KIAA1958: variants seen among roughly 807,000 people sequenced by gnomAD.
KIAA1958 encodes uncharacterized protein KIAA1958.
KIAA1958 carries 14 observed loss-of-function variants against 47.2 expected under a neutral mutation model. The ratio of observed to expected loss-of-function variants is 0.30; its 90% CI spans 0.20 to 0.46. The LOEUF (loss-of-function observed/expected upper bound fraction) is 0.46. Ranked by LOEUF, KIAA1958 falls within the 20% of genes least tolerant of loss-of-function variation. The pLI is 1.00. For synonymous variants in KIAA1958, 354 were observed against 353.3 expected, an observed-to-expected ratio of 1.00 and a Z score of -0.02; for missense variants, 803 against 909.2, an observed-to-expected ratio of 0.88 and a Z score of 1.50.
intron 1 of KIAA1958, among the ~76,000 whole-genome samples, chr9:112,545,147 A>T (rs567738442): frequency 6.6e-5 from 10 of 152,288 alleles, no homozygotes; most frequent in African/African-American, 2.4e-4. Context: ...TTTCATCCTT[A>T]GTTTTTCTGG....
At chr9:112,656,396 A>G (rs940920493) in intron 3 of KIAA1958, among the ~76,000 whole-genome samples, 19 of 123,946 alleles carry the variant, frequency 1.5e-4, no homozygotes, top group South Asian at 5.3e-4. Context: ...AAAAAAAAAA[A>G]GCATTTCGAG....
At chr9:112,497,078 T>A (rs527667755) in intron 1 of KIAA1958, among the ~76,000 whole-genome samples, 1 of 152,324 alleles carries the variant, frequency 6.6e-6, no homozygotes, top group South Asian at 2.1e-4. Context: ...TCACTTACAG[T>A]TGTAAGATAT....
chr9:112,526,569 CAG>C (rs1360006741), intron 1 of KIAA1958, among the ~76,000 whole-genome samples: 3 of 152,184 alleles, frequency 2.0e-5, no homozygotes, highest in African/African-American at 7.2e-5. Context: ...TTATAATTAA[CAG>C]AAGTTTATTT....
chr9:112,618,196 G>A lies in KIAA1958; in HGVS notation c.1172-27454G>A. 6.4e-7 allele frequency: 1 copy of A among 1,550,624 alleles called. No homozygotes were observed. The highest frequency in any genetic ancestry group is 8.7e-7 in the Non-Finnish European group (1 of 1,147,014). On this transcript the variant is annotated intron_variant, in intron 2 of 3. Transcript: ENST00000337530. This position sits in a 1 kb window ranked among gnomAD's most constrained non-coding sequence, Gnocchi z 7.1. ...TCAAGCGTTCCCAAGAGGCCCTGAA[G>A]CAGAAGCAAATTGAACTCCGCTGTA...
intron 1 of KIAA1958, among the ~76,000 whole-genome samples, chr9:112,533,106 T>C (rs1409668811): frequency 6.6e-6 from 1 of 152,134 alleles, no homozygotes; most frequent in Non-Finnish European, 1.5e-5. Flanking sequence ...TATGTGTGTA[T>C]CTATGTATAA....
chr9:112,594,712 G>A (rs1187773935), intron 2 of KIAA1958, among the ~76,000 whole-genome samples: 1 of 152,164 alleles, frequency 6.6e-6, no homozygotes, highest in Non-Finnish European at 1.5e-5. Flanking sequence ...GCTCTTGGGT[G>A]GATAGGTTTT....
intron 2 of KIAA1958, among the ~76,000 whole-genome samples, chr9:112,625,331 T>G (rs1041202087): frequency 6.6e-6 from 1 of 152,018 alleles, no homozygotes; most frequent in Non-Finnish European, 1.5e-5. Context: ...TTTAAAAATT[T>G]TTTGTAGACA....
chr9:112,497,271 G>T (rs1834062878), intron 1 of KIAA1958, among the ~76,000 whole-genome samples: 1 of 152,084 alleles, frequency 6.6e-6, no homozygotes, highest in Admixed American at 6.6e-5. Context: ...TAGAAGCTAG[G>T]GCATTTAAAA....
intron 1 of KIAA1958, among the ~76,000 whole-genome samples, chr9:112,531,649 G>A (rs566901095): frequency 6.6e-6 from 1 of 152,254 alleles, no homozygotes; most frequent in East Asian, 1.9e-4. Context: ...AGGTTAAAAG[G>A]TCTTTTGAAG....
At chr9:112,641,621 C>T (rs1836893011) in intron 2 of KIAA1958, among the ~76,000 whole-genome samples, 1 of 151,978 alleles carries the variant, frequency 6.6e-6, no homozygotes, top group East Asian at 1.9e-4. Flanking sequence ...CATCCTTACA[C>T]GTTTTTCCTT....
intron 1 of KIAA1958, among the ~76,000 whole-genome samples, chr9:112,545,111 T>G (rs1835005527): frequency 1.3e-5 from 2 of 152,188 alleles, no homozygotes; most frequent in South Asian, 4.1e-4. Flanking sequence ...AACAGAAACT[T>G]CCAGAATCAT....
chr9:112,542,109 A>G (rs1446638405), intron 1 of KIAA1958, among the ~76,000 whole-genome samples: 2 of 152,192 alleles, frequency 1.3e-5, no homozygotes, highest in African/African-American at 2.4e-5. Flanking sequence ...TAATAAATCT[A>G]TTGATATTTG....
intron 1 of KIAA1958, 84 bp downstream of exon 1, chr9:112,487,202 C>G (rs1833872267): frequency 5.6e-6 from 1 of 179,368 alleles, no homozygotes; most frequent in Non-Finnish European, 1.2e-5. Flanking sequence ...TGGGGGGCGG[C>G]CGCGCCGGGG....
At chr9:112,600,309 CCT>C (rs1398931164) in intron 2 of KIAA1958, among the ~76,000 whole-genome samples, 1 of 152,104 alleles carries the variant, frequency 6.6e-6, no homozygotes. Flanking sequence ...ACGTGTGAAG[CCT>C]GTTTGAATTC....
At position 112,589,541 on chromosome 9, in the gene KIAA1958, G is replaced by A. The variant is rs1038019857; in HGVS notation, c.1171+14290G>A. The stretch of plus-strand genomic sequence containing the variant: ...CGGGAGGTGGAGGTTGCGGTGAGCC[G>A]AGATTGCTCCAGCCTGAGCAACAAG... On this transcript the variant is annotated intron_variant, in intron 2 of 3. Coordinates refer to ENST00000337530, the MANE Select transcript of KIAA1958 (RefSeq NM_133465.4). Among the ~76,000 whole-genome samples the A allele has an allele frequency of 3.3e-5, 5 of 152,310 alleles. No homozygotes were observed. The East Asian group carries it at 9.7e-4, about 29-fold the overall frequency.
Position 112,661,778 on chromosome 9 carries a change from T to G in KIAA1958, c.*1709T>G, listed in dbSNP as rs1419652848. The G allele has an allele frequency of 1.3e-5, 2 of 152,204 alleles. No individual in the cohort carries two copies. The highest frequency in any genetic ancestry group is 2.9e-5 in the Non-Finnish European group (2 of 68,036). 9.4% of individuals were successfully genotyped at this position (152,204 alleles called of 1,614,324 possible). ...TCTGTATATAAATAACAGGTAATATTTAATCATCAGTGTATGACTTGATAT... is the reference window on the plus strand; with the variant it reads ...TCTGTATATAAATAACAGGTAATATGTAATCATCAGTGTATGACTTGATAT... On this transcript the variant is annotated 3_prime_UTR_variant, in exon 4 of 4. Transcript: ENST00000337530.
At chr9:112,549,422 T>C (rs1186470360) in intron 1 of KIAA1958, among the ~76,000 whole-genome samples, 2 of 152,274 alleles carry the variant, frequency 1.3e-5, no homozygotes, top group Non-Finnish European at 2.9e-5. Flanking sequence ...AAGTGTTTGC[T>C]GTTTTCTGTA....
chr9:112,559,024 C>T (rs1225012944), intron 1 of KIAA1958, among the ~76,000 whole-genome samples: 3 of 152,208 alleles, frequency 2.0e-5, no homozygotes, highest in African/African-American at 7.2e-5. Flanking sequence ...TCTTTTTCTA[C>T]ACCCTTCAGA....
intron 1 of KIAA1958, among the ~76,000 whole-genome samples, chr9:112,545,131 T>C (rs1394954651): frequency 6.6e-6 from 1 of 152,176 alleles, no homozygotes; most frequent in Non-Finnish European, 1.5e-5. Flanking sequence ...TCATGACCTT[T>C]TAAAGTTTCA....
Sources: allele counts gnomAD v4.1 joint callset (sites outside exome capture counted in the v4.1 genomes callset), GRCh38; gene constraint gnomAD v4.1.1; non-coding constraint Gnocchi (gnomAD v3.1); transcripts MANE v1.5; gene names NCBI Gene and HGNC (gene_info 2026-07-23, HGNC 2026-07-21).